RGS22: variants seen among roughly 807,000 people sequenced by gnomAD.
RGS22 encodes the protein regulator of G-protein signaling 22.
RGS22 carries 148 observed loss-of-function variants against 172.9 expected under a neutral mutation model. That is an observed-to-expected ratio of 0.86 (90% CI 0.75 to 0.98). RGS22 has a LOEUF of 0.98. Among genes scored for constraint, RGS22 ranks in the 50% least tolerant of loss-of-function variants. The probability of loss-of-function intolerance (pLI) is 0.00; values close to 1 mark genes in which losing one functional copy is unlikely to be tolerated. For synonymous variants in RGS22, 458 were observed against 480.2 expected (o/e 0.95, Z 0.60); for missense variants, 1,347 against 1,440.8 (o/e 0.93, Z 1.05).
In RGS22 at chr8:100,080,160, T is replaced by C. The variant is rs1033534829; in HGVS notation, c.313A>G (p.Thr105Ala). The C allele has an allele frequency of 1.2e-6, 2 of 1,609,604 alleles. No individual in the cohort carries two copies. Among genetic ancestry groups the C allele is most frequent in the African/African-American group, 1.3e-5 (1 of 74,906 alleles). Residue 105 changes from threonine to alanine, a missense_variant, in exon 4 of 28, where the codon ACC (threonine) becomes GCC (alanine). Thr to Ala is a moderately conservative substitution (Grantham distance 58). Transcript: ENST00000360863. ...ATAATATTGTAGTTGACATTAATGG[T>C]CTCATCTTCATCGGGGGCATTCATT... ...VQMNAPDEDETINVNYNIMCL... is the reference protein window; with the variant it reads ...VQMNAPDEDEAINVNYNIMCL...
rs1051126624 is a variant in RGS22 at position 100,103,898 on chromosome 8, C to T, written c.54+1476G>A. Among the ~76,000 whole-genome samples, 29 of 152,134 alleles carry T rather than the reference C, an allele frequency of 1.9e-4. No individual in the cohort carries two copies. In the East Asian group the frequency reaches 3.7e-3, roughly 19 times the overall value. On this transcript the variant is annotated intron_variant, in intron 2 of 27. Coordinates refer to ENST00000360863, the MANE Select transcript of RGS22 (RefSeq NM_015668.5). ...AGTGAACTGTTCAAACAGTAAGTGGCGTGTTGTTGAGTAGTCTTCAGCAGC... is the reference window on the plus strand; with the variant it reads ...AGTGAACTGTTCAAACAGTAAGTGGTGTGTTGTTGAGTAGTCTTCAGCAGC...
chr8:100,022,046 C>T (rs1307604184), intron 14 of RGS22, among the ~76,000 whole-genome samples: 1 of 152,036 alleles, frequency 6.6e-6, no homozygotes, highest in Non-Finnish European at 1.5e-5. Context: ...CTCTCATATC[C>T]CACTAGGAGC....
intron 14 of RGS22, among the ~76,000 whole-genome samples, chr8:100,026,810 A>G (rs1007712931): frequency 1.3e-5 from 2 of 152,246 alleles, no homozygotes; most frequent in Non-Finnish European, 2.9e-5. Flanking sequence ...AAAAATGAGA[A>G]AAAAGGAAAC....
intron 11 of RGS22, 112 bp from the exon 12 acceptor site, chr8:100,042,028 G>T: frequency 1.6e-6 from 1 of 606,176 alleles, no homozygotes. Context: ...GTACTTCTGA[G>T]CAATGTGACT....
At chr8:100,013,132 G>A (rs1639511488) in intron 14 of RGS22, among the ~76,000 whole-genome samples, 1 of 151,916 alleles carries the variant, frequency 6.6e-6, no homozygotes, top group Admixed American at 6.6e-5. Flanking sequence ...TGGGACTACA[G>A]GTGTCCACCA....
chr8:100,007,059 A>T (rs1815804639), intron 15 of RGS22, among the ~76,000 whole-genome samples: 1 of 152,222 alleles, frequency 6.6e-6, no homozygotes. Flanking sequence ...TTTTATAATA[A>T]AAAGGATACT....
chr8:100,094,850 G>T (rs1437852367), intron 2 of RGS22, among the ~76,000 whole-genome samples: 4 of 152,240 alleles, frequency 2.6e-5, no homozygotes, highest in Middle Eastern at 3.4e-3. Context: ...CTGAATTCTG[G>T]GTAGAAGGCA....
Position 100,063,728 on chromosome 8 carries a change from T to C in RGS22, c.1040A>G (p.Asn347Ser), listed in dbSNP as rs766523583. 2.5e-6 allele frequency: 4 copies of C among 1,613,938 alleles called. No individual in the cohort carries two copies. The highest frequency in any genetic ancestry group is 3.4e-6 in the Non-Finnish European group (4 of 1,179,960). The change falls in exon 8 of 28, where the codon AAT becomes AGT. Residue 347 changes from asparagine to serine, a missense_variant. Asn to Ser is a conservative substitution (Grantham distance 46, BLOSUM62 1). Coordinates refer to ENST00000360863, the MANE Select transcript of RGS22 (RefSeq NM_015668.5). ...ATCATCAAATGACACTTTTGTTATA[T>C]TGTTGAAGTTTATATAGTCTGGGGT... ...GETPDYINFN[N>S]ITKVSFDDCF...
intron 19 of RGS22, among the ~76,000 whole-genome samples, 199 bp downstream of exon 19, chr8:99,999,063 G>A (rs946228978): frequency 1.3e-5 from 2 of 151,874 alleles, no homozygotes; most frequent in Non-Finnish European, 2.9e-5. Context: ...GGAGGCTGAG[G>A]TGGGAGTATT....
At chr8:100,086,544 C>T (rs902878169) in intron 3 of RGS22, among the ~76,000 whole-genome samples, 4 of 151,880 alleles carry the variant, frequency 2.6e-5, no homozygotes. Context: ...ACAATAGACA[C>T]TGGGGACAAC....
chr8:100,004,076 G>T lies in RGS22; in HGVS notation c.2477C>A (p.Thr826Asn). Residue 826 changes from threonine (T) to asparagine (N), a missense_variant, in exon 17 of 28, where the codon ACT (threonine) becomes AAT (asparagine). Physicochemically the swap from Thr to Asn is moderately conservative, Grantham distance 65. Coordinates refer to ENST00000360863, the MANE Select transcript of RGS22 (RefSeq NM_015668.5). ...KAEDTTCEIG[T>N]GILSLSNVSK... ...GACGTTAGAGAGTGATAAAATGCCA[G>T]TTCCAATTTCACAAGTGGTGTCCTA... 6.3e-7 allele frequency: 1 copy of T among 1,599,698 alleles called. No homozygotes were observed.
chr8:100,099,232 A>G (rs2132041337), intron 2 of RGS22, among the ~76,000 whole-genome samples: 1 of 152,132 alleles, frequency 6.6e-6, no homozygotes, highest in Middle Eastern at 3.4e-3. Context: ...CTTTTATCCA[A>G]TCAATTTTAT....
intron 21 of RGS22, among the ~76,000 whole-genome samples, chr8:99,984,837 C>T (rs1812914612): frequency 6.6e-6 from 1 of 150,630 alleles, no homozygotes. Flanking sequence ...TAGATTAAAC[C>T]ATACTGATTT....
At chr8:100,030,105 T>A (rs890902562) in intron 14 of RGS22, among the ~76,000 whole-genome samples, 3 of 152,190 alleles carry the variant, frequency 2.0e-5, no homozygotes, top group Non-Finnish European at 4.4e-5. Flanking sequence ...ATAAAATTGT[T>A]TCAATCAATG....
At chr8:100,096,115 C>CT (rs1812947469) in intron 2 of RGS22, among the ~76,000 whole-genome samples, 1 of 152,122 alleles carries the variant, frequency 6.6e-6, no homozygotes, top group African/African-American at 2.4e-5. Flanking sequence ...ACCACAAACC[C>CT]TTTAATTAAA....
In RGS22 at chr8:99,996,609, A is replaced by G. The variant is rs1814418873; in HGVS notation, c.2950-79T>C. On this transcript the variant is annotated intron_variant, in intron 19 of 27. Transcript: ENST00000360863. Reference sequence around the variant, plus strand: ...TCATTTACTAATTAAGTAGCTAAAAAAATGAGATAAAGGTTAACTTGGACA... The same window carrying G: ...TCATTTACTAATTAAGTAGCTAAAAGAATGAGATAAAGGTTAACTTGGACA... 24 of 1,163,104 alleles carry G rather than the reference A, an allele frequency of 2.1e-5. No homozygotes were observed. In the South Asian group the frequency reaches 3.2e-4, roughly 15 times the overall value. 72.0% of individuals were successfully genotyped at this position (1,163,104 alleles called of 1,614,324 possible).
chr8:100,021,995 T>C (rs1295090295), intron 14 of RGS22, among the ~76,000 whole-genome samples: 1 of 152,148 alleles, frequency 6.6e-6, no homozygotes, highest in Non-Finnish European at 1.5e-5. Flanking sequence ...ATCCAATCTT[T>C]TTTTCTGCAA....
intron 2 of RGS22, among the ~76,000 whole-genome samples, chr8:100,095,530 T>G (rs546677146): frequency 7.9e-5 from 12 of 152,264 alleles, no homozygotes; most frequent in African/African-American, 2.9e-4. Context: ...GACAGATAAC[T>G]TTGAAAGAAT....
At chr8:100,084,662 G>A (rs1257485881) in intron 3 of RGS22, among the ~76,000 whole-genome samples, 2 of 152,110 alleles carry the variant, frequency 1.3e-5, no homozygotes, top group Non-Finnish European at 2.9e-5. Context: ...ATCCTGGAAG[G>A]TCCTTAAAAG....
Sources: allele counts gnomAD v4.1 joint callset (sites outside exome capture counted in the v4.1 genomes callset), GRCh38; gene constraint gnomAD v4.1.1; transcripts MANE v1.5; gene names NCBI Gene and HGNC (gene_info 2026-07-23, HGNC 2026-07-21).